Variants in CECR2 observed in about 807,000 individuals in gnomAD.
CECR2 encodes the protein chromatin remodeling regulator CECR2.
Under a neutral mutation model 154.5 loss-of-function variants are expected in CECR2, and 30 were observed. The observed-to-expected ratio is 0.19, with a 90% confidence interval of 0.15 to 0.26. The LOEUF is 0.26. Ranked by LOEUF, CECR2 falls within the 10% of genes least tolerant of loss-of-function variation. The pLI, the probability that CECR2 is intolerant of heterozygous loss-of-function variation, is 1.00. For synonymous variants in CECR2, 725 were observed against 683.7 expected (o/e 1.06, Z -0.94); for missense variants, 1,743 against 1,829.3 (o/e 0.95, Z 0.86).
intron 1 of CECR2, among the ~76,000 whole-genome samples, chr22:17,410,541 G>A (rs1228502902): frequency 6.6e-6 from 1 of 151,986 alleles, no homozygotes; most frequent in Non-Finnish European, 1.5e-5. Context: ...TCCACCTCCT[G>A]AATTCAAACG....
intron 2 of CECR2, 54 bp from the exon 3 acceptor site, chr22:17,497,349 C>T: frequency 6.6e-7 from 1 of 1,516,538 alleles, no homozygotes; most frequent in Non-Finnish European, 8.9e-7. Context: ...CTCCTTCTCC[C>T]AACCAACCTA....
intron 1 of CECR2, among the ~76,000 whole-genome samples, chr22:17,374,909 TGCCTGTTTCTACCACATC>T (rs1195475137): frequency 2.2e-4 from 34 of 152,244 alleles, no homozygotes; most frequent in Non-Finnish European, 4.4e-4. Flanking sequence ...GGCCAAATTC[TGCCTGTTTCTACCACATC>T]GCACTGCTTC....
intron 1 of CECR2, among the ~76,000 whole-genome samples, chr22:17,387,167 T>C (rs758206539): frequency 3.3e-5 from 5 of 152,208 alleles, no homozygotes; most frequent in Non-Finnish European, 5.9e-5. Flanking sequence ...AGGTTCCCCA[T>C]GCCAGAGGGA....
intron 1 of CECR2, among the ~76,000 whole-genome samples, chr22:17,416,143 A>G (rs185466645): frequency 8.1e-4 from 123 of 152,370 alleles, no homozygotes; most frequent in Admixed American, 1.7e-3. Context: ...GAACCTTTGA[A>G]TATGGCTCTC....
intron 14 of CECR2, 100 bp from the exon 15 acceptor site, chr22:17,541,739 T>C (rs2056525768): frequency 4.2e-6 from 6 of 1,423,482 alleles, no homozygotes; most frequent in African/African-American, 1.4e-5. Flanking sequence ...GTCGTCTGTT[T>C]TATTTTAGTA....
At chr22:17,521,818 T>G (rs764027086) in intron 8 of CECR2, among the ~76,000 whole-genome samples, 8 of 152,234 alleles carry the variant, frequency 5.3e-5, no homozygotes, top group Non-Finnish European at 4.4e-5. Context: ...AGTCATGAAG[T>G]CCTTGCCCAT....
At chr22:17,485,389 A>G (rs2055402044) in intron 2 of CECR2, among the ~76,000 whole-genome samples, 1 of 152,240 alleles carries the variant, frequency 6.6e-6, no homozygotes, top group African/African-American at 2.4e-5. Context: ...TAACTCTTTG[A>G]CATACTAAGG....
At chr22:17,397,265 G>C (rs1036335642) in intron 1 of CECR2, among the ~76,000 whole-genome samples, 3 of 151,884 alleles carry the variant, frequency 2.0e-5, no homozygotes, top group Admixed American at 6.6e-5. Context: ...TCAGCCTCTC[G>C]AGTAGCTAGG....
At chr22:17,434,783 G>A (rs2054478346) in intron 1 of CECR2, among the ~76,000 whole-genome samples, 1 of 152,090 alleles carries the variant, frequency 6.6e-6, no homozygotes, top group Admixed American at 6.5e-5. Flanking sequence ...CAGAATAAAG[G>A]CAGTGAGTCT....
rs201916397 is a variant in CECR2 at position 17,548,368 on chromosome 22, G to C, written c.3081G>C (p.Ser1027=). 1.2e-5 allele frequency: 19 copies of C among 1,612,768 alleles called. No homozygotes were observed. The highest frequency in any genetic ancestry group is 1.6e-5 in the Non-Finnish European group (19 of 1,179,378). Residue 1027 remains serine, a synonymous_variant, in exon 17 of 19, where the codon TCG becomes TCC. Coordinates refer to ENST00000262608, the MANE Select transcript of CECR2 (RefSeq NM_001290047.2). ...KAMKGKNPWP[S]DSSYPGPAAQ... ...TGAAGGGCAAGAATCCCTGGCCCTC[G>C]GATAGCAGCTACCCCGGCCCAGCCG... is the stretch of plus-strand genomic sequence containing the variant.
chr22:17,410,863 A>G (rs1431502475), intron 1 of CECR2, among the ~76,000 whole-genome samples: 2 of 152,162 alleles, frequency 1.3e-5, no homozygotes, highest in Non-Finnish European at 1.5e-5. Flanking sequence ...CTTTTCTCTG[A>G]TTCATTGTTT....
chr22:17,438,070 T>C (rs1475736919), intron 1 of CECR2, among the ~76,000 whole-genome samples: 1 of 152,230 alleles, frequency 6.6e-6, no homozygotes, highest in African/African-American at 2.4e-5. Context: ...GTTGAAAGAA[T>C]TGTACATTAT....
intron 1 of CECR2, among the ~76,000 whole-genome samples, chr22:17,362,474 G>A (rs776160926): frequency 2.8e-4 from 43 of 152,164 alleles, no homozygotes; most frequent in Non-Finnish European, 5.0e-4. Context: ...AGTCCCAACC[G>A]AGATGTCCTG....
At chr22:17,426,277 GAAAAAA>G (rs1205041853) in intron 1 of CECR2, among the ~76,000 whole-genome samples, 86,462 of 151,942 alleles carry the variant, frequency 0.57, 26,311 homozygotes, top group African/African-American at 0.8. Context: ...TCCATAGTAG[GAAAAAA>G]TCCTACTTTT....
chr22:17,510,749 G>GC (rs1569131875), intron 7 of CECR2, among the ~76,000 whole-genome samples: 7 of 151,990 alleles, frequency 4.6e-5, no homozygotes, highest in Non-Finnish European at 7.4e-5. Context: ...CTACAGGCAC[G>GC]CACCACCATG....
intron 1 of CECR2, among the ~76,000 whole-genome samples, chr22:17,429,775 A>C (rs928985019): frequency 6.6e-6 from 1 of 152,138 alleles, no homozygotes; most frequent in African/African-American, 2.4e-5. Context: ...AGGTTAGTGA[A>C]TAACAGGGAG....
At chr22:17,414,671 C>A (rs1346836599) in intron 1 of CECR2, among the ~76,000 whole-genome samples, 1 of 151,520 alleles carries the variant, frequency 6.6e-6, no homozygotes, top group Non-Finnish European at 1.5e-5. Flanking sequence ...CCCCTCCCCC[C>A]ACCCCACGAC....
intron 1 of CECR2, among the ~76,000 whole-genome samples, chr22:17,420,485 C>T (rs937210352): frequency 1.3e-5 from 2 of 151,936 alleles, no homozygotes; most frequent in South Asian, 2.1e-4. Context: ...CTTTCTTTAC[C>T]CACCACTCAT....
At chr22:17,478,584 C>T (rs1023657943) in intron 2 of CECR2, among the ~76,000 whole-genome samples, 10 of 152,006 alleles carry the variant, frequency 6.6e-5, no homozygotes, top group African/African-American at 2.4e-4. Context: ...CTCGATCTCC[C>T]GACCTCGTGA....
Sources: gnomAD v4.1 joint callset for allele counts (sites outside exome capture counted in the v4.1 genomes callset) on GRCh38, gnomAD v4.1.1 for gene constraint, MANE v1.5 for transcripts, NCBI Gene and HGNC (gene_info 2026-07-23, HGNC 2026-07-21) for gene names.